The following GRIA3 variants were observed in gnomAD, a reference collection of about 807,000 sequenced individuals.
GRIA3 encodes the protein glutamate ionotropic receptor AMPA type subunit 3, also known as glutamate receptor 3.
In GRIA3, 3 loss-of-function variants were observed where a neutral mutation model predicts 63.0. That is an observed-to-expected ratio of 0.05 (90% CI 0.02 to 0.12). The LOEUF (loss-of-function observed/expected upper bound fraction) is 0.12. Among genes scored for constraint, GRIA3 ranks in the 10% least tolerant of loss-of-function variants. GRIA3 has a pLI of 1.00. For missense variants in GRIA3, 347 were observed against 700.9 expected (o/e 0.50, Z 5.70); for synonymous variants, 274 against 257.9 (o/e 1.06, Z -0.60).
At position 123,253,283 on chromosome X, in the gene GRIA3, T is replaced by C; in HGVS notation, c.269-20T>C. On this transcript the variant is annotated intron_variant, in intron 2 of 15. Coordinates refer to ENST00000620443, the MANE Select transcript of GRIA3 (RefSeq NM_007325.5). ...AGGACCATGGAGCTATTGAATCTTT[T>C]TCTCTTTTTCTCATTGCAGTCTGCT... 8.3e-7 allele frequency: 1 copy of C among 1,208,196 alleles called. No individual in the cohort carries two copies. Among genetic ancestry groups the C allele is most frequent in the Admixed American group, 2.2e-5 (1 of 46,028 alleles).
intron 4 of GRIA3, among the ~76,000 whole-genome samples, chrX:123,350,891 A>C (rs1396307368): frequency 8.9e-6 from 1 of 112,179 alleles, no homozygotes. Context: ...TAAAACAATA[A>C]ATTTTATCTA....
At chrX:123,192,761 T>A (rs1171718805) in intron 2 of GRIA3, among the ~76,000 whole-genome samples, 2 of 111,648 alleles carry the variant, frequency 1.8e-5, no homozygotes, top group Admixed American at 1.9e-4. Flanking sequence ...CTGATAATGA[T>A]CCCTCAACCC....
At chrX:123,346,376 C>CT (rs2045049927) in intron 4 of GRIA3, among the ~76,000 whole-genome samples, 1 of 111,923 alleles carries the variant, frequency 8.9e-6, no homozygotes. Flanking sequence ...CACTCCAATT[C>CT]TTATGGAGTC....
chrX:123,271,893 T>G (rs1212461883), intron 3 of GRIA3, among the ~76,000 whole-genome samples: 1 of 112,011 alleles, frequency 8.9e-6, no homozygotes, highest in African/African-American at 3.2e-5. Context: ...ACAGCCACTT[T>G]CAACTCTCCT....
chrX:123,186,739 G>A (rs1334180843), intron 2 of GRIA3, among the ~76,000 whole-genome samples: 1 of 111,498 alleles, frequency 9.0e-6, no homozygotes, highest in Non-Finnish European at 1.9e-5. Context: ...GATCATTAAA[G>A]ACAACACAGT....
At chrX:123,461,494 C>A (rs2045792520) in intron 12 of GRIA3, among the ~76,000 whole-genome samples, 1 of 111,796 alleles carries the variant, frequency 8.9e-6, no homozygotes, top group South Asian at 3.8e-4. Flanking sequence ...AAAGCATAAC[C>A]AAAGGCATAA....
intron 12 of GRIA3, among the ~76,000 whole-genome samples, chrX:123,458,337 G>A (rs766785734): frequency 8.7e-4 from 95 of 109,354 alleles, no homozygotes; most frequent in Non-Finnish European, 1.1e-3. Flanking sequence ...ATGGAGAAAT[G>A]GAAACAGAGA....
intron 4 of GRIA3, among the ~76,000 whole-genome samples, chrX:123,348,147 A>G (rs1221458228): frequency 8.9e-6 from 1 of 112,289 alleles, no homozygotes; most frequent in South Asian, 3.7e-4. Context: ...TCAGATATTC[A>G]TGATTATATT....
intron 3 of GRIA3, among the ~76,000 whole-genome samples, chrX:123,321,030 T>G (rs1317630613): frequency 1.8e-5 from 2 of 112,251 alleles, no homozygotes; most frequent in Non-Finnish European, 3.8e-5. Flanking sequence ...GTATCCTACT[T>G]CTCTGAGTCA....
chrX:123,403,269 G>A, intron 8 of GRIA3, 143 bp from the exon 9 acceptor site: 1 of 608,768 alleles, frequency 1.6e-6, no homozygotes. Flanking sequence ...GGGGGTCCTG[G>A]TGGGAATTAC....
chrX:123,228,211 C>T (rs1453913289), intron 2 of GRIA3, among the ~76,000 whole-genome samples: 3 of 112,089 alleles, frequency 2.7e-5, no homozygotes, highest in African/African-American at 9.7e-5. Context: ...ATGAAGGAGA[C>T]ATTTTATGGG....
chrX:123,352,174 G>C, intron 4 of GRIA3, among the ~76,000 whole-genome samples: 1 of 109,963 alleles, frequency 9.1e-6, no homozygotes, highest in Admixed American at 9.7e-5. Context: ...TCCGCCTCCC[G>C]GGTTCAAGTG....
chrX:123,217,156 T>C (rs974772190), intron 2 of GRIA3, among the ~76,000 whole-genome samples: 2 of 111,506 alleles, frequency 1.8e-5, no homozygotes, highest in Admixed American at 9.5e-5. Flanking sequence ...GAGACCTCCC[T>C]GAGCCAGCAA....
At chrX:123,184,850 G>A in intron 1 of GRIA3, 1 of 499,580 alleles carries the variant, frequency 2.0e-6, no homozygotes, top group Admixed American at 2.7e-5. Context: ...AGAGCCTCTG[G>A]GACAAGAGAG....
At chrX:123,478,353 T>C (rs776961279) in intron 13 of GRIA3, among the ~76,000 whole-genome samples, 25 of 111,936 alleles carry the variant, frequency 2.2e-4, no homozygotes, top group Non-Finnish European at 4.3e-4. Context: ...GGTTAGCATT[T>C]GAGAAGCCTG....
intron 2 of GRIA3, among the ~76,000 whole-genome samples, chrX:123,198,988 G>A (rs1006051844): frequency 2.7e-5 from 3 of 111,748 alleles, no homozygotes; most frequent in African/African-American, 6.5e-5. Context: ...CCAGCCATGA[G>A]TTTTCTGAGT....
intron 4 of GRIA3, among the ~76,000 whole-genome samples, chrX:123,352,131 A>T (rs1224611159): frequency 9.3e-6 from 1 of 108,075 alleles, no homozygotes; most frequent in Non-Finnish European, 1.9e-5. Context: ...CCCAGGCTGG[A>T]GTGCAATGGC....
intron 7 of GRIA3, 121 bp downstream of exon 7, chrX:123,398,924 A>G (rs1257060591): frequency 1.8e-6 from 1 of 551,537 alleles, no homozygotes; most frequent in Non-Finnish European, 3.1e-6. Context: ...AGAATCTCAG[A>G]GTATGCAAAG....
At chrX:123,290,615 T>A (rs975715713) in intron 3 of GRIA3, among the ~76,000 whole-genome samples, 2 of 97,123 alleles carry the variant, frequency 2.1e-5, no homozygotes, top group Admixed American at 2.3e-4. Context: ...TGTGTGTGTG[T>A]GTGTGTGTGT....
Sources: gnomAD v4.1 joint callset for allele counts (sites outside exome capture counted in the v4.1 genomes callset) on GRCh38, gnomAD v4.1.1 for gene constraint, MANE v1.5 for transcripts, NCBI Gene and HGNC (gene_info 2026-07-23, HGNC 2026-07-21) for gene names.